SCAP: variants seen among roughly 807,000 people sequenced by gnomAD.
The protein encoded by SCAP is SREBF chaperone.
SCAP carries 65 observed loss-of-function variants against 123.6 expected under a neutral mutation model. That is an observed-to-expected ratio of 0.53 (90% CI 0.43 to 0.65). SCAP has a LOEUF of 0.65. Ranked by LOEUF, SCAP falls within the 30% of genes least tolerant of loss-of-function variation. The pLI is 0.00. For missense variants in SCAP, 1,398 were observed against 1,712.5 expected (o/e 0.82, Z 3.24); for synonymous variants, 740 against 726.3 (o/e 1.02, Z -0.30).
chr3:47,415,219 G>A (rs1398077100), intron 18 of SCAP, 39 bp from the exon 19 acceptor site: 2 of 1,573,070 alleles, frequency 1.3e-6, no homozygotes, highest in South Asian at 1.2e-5. Flanking sequence ...CTCTCCCTTA[G>A]AGCCCCAGCC....
In SCAP at chr3:47,435,254, G is replaced by A. The variant is rs1167774909; in HGVS notation, c.123-117C>T. ...AATTCTGTCAGGACTGTACAAATGT[G>A]CAAAATATTAGAATCACAAAATTGC... is the stretch of plus-strand genomic sequence containing the variant. On this transcript the variant is annotated intron_variant, in intron 2 of 22. Coordinates refer to ENST00000265565, the MANE Select transcript of SCAP (RefSeq NM_012235.4). 9 of 1,141,066 alleles carry A rather than the reference G, an allele frequency of 7.9e-6. No individual in the cohort carries two copies. In the South Asian group the frequency reaches 1.9e-4, roughly 24 times the overall value. 70.7% of individuals were successfully genotyped at this position (1,141,066 alleles called of 1,614,324 possible). A position where few individuals can be genotyped will look rare whatever the true frequency, so the allele number is the denominator to read the frequency against.
In SCAP at chr3:47,420,860, T is replaced by C. The variant is rs926048924; in HGVS notation, c.1344+71A>G. 26 of 1,586,126 alleles carry C rather than the reference T, an allele frequency of 1.6e-5. No homozygotes were observed. In the Admixed American group the frequency reaches 2.5e-4, roughly 15 times the overall value. Reference sequence around the variant, plus strand: ...CTGTCCTGCCCGAGGTCTACACCCTTCTCACCCAGGACTCCCTCAGTACAG... The same window carrying C: ...CTGTCCTGCCCGAGGTCTACACCCTCCTCACCCAGGACTCCCTCAGTACAG... On this transcript the variant is annotated intron_variant, in intron 11 of 22. Coordinates refer to ENST00000265565, the MANE Select transcript of SCAP (RefSeq NM_012235.4). The surrounding 1 kb of genome is among the most constrained non-coding windows in gnomAD (Gnocchi z 5.0).
chr3:47,427,673 C>T lies in SCAP; in HGVS notation c.411-6G>A. 6.2e-7 allele frequency: 1 copy of T among 1,612,822 alleles called. No individual in the cohort carries two copies. Among genetic ancestry groups the T allele is most frequent in the Non-Finnish European group, 8.5e-7 (1 of 1,179,330 alleles). On this transcript the variant is annotated splice_region_variant and splice_polypyrimidine_tract_variant and intron_variant, in intron 4 of 22. Transcript: ENST00000265565. ...CCAAGCTCCTGATCCCAGAGCTGCACAGGAGACAGGACAAGGCACCTGCTG... is the reference window on the plus strand; with the variant it reads ...CCAAGCTCCTGATCCCAGAGCTGCATAGGAGACAGGACAAGGCACCTGCTG...
intron 5 of SCAP, 41 bp from the exon 6 acceptor site, chr3:47,427,303 G>A (rs1275312461): frequency 6.4e-7 from 1 of 1,569,978 alleles, no homozygotes; most frequent in Admixed American, 1.7e-5. Context: ...AGAAATGACA[G>A]CTACTGCAGA....
At chr3:47,465,100 A>C (rs990316967) in intron 1 of SCAP, among the ~76,000 whole-genome samples, 3 of 152,224 alleles carry the variant, frequency 2.0e-5, no homozygotes, top group African/African-American at 7.2e-5. Flanking sequence ...TGCTGAAACA[A>C]ATTAAAGACG....
chr3:47,448,276 T>C (rs1707127598), intron 1 of SCAP, among the ~76,000 whole-genome samples: 1 of 152,178 alleles, frequency 6.6e-6, no homozygotes, highest in African/African-American at 2.4e-5. Flanking sequence ...TGTTCATTGC[T>C]AGTACATTGA....
chr3:47,458,263 C>G (rs1455497051), intron 1 of SCAP, among the ~76,000 whole-genome samples: 1 of 152,072 alleles, frequency 6.6e-6, no homozygotes, highest in Non-Finnish European at 1.5e-5. Flanking sequence ...AACCCCGTCT[C>G]TACTCAAAAA....
At chr3:47,476,340 G>A (rs1465672427), upstream of SCAP, among the ~76,000 whole-genome samples, 1 of 152,086 alleles carries the variant, frequency 6.6e-6, no homozygotes, top group Non-Finnish European at 1.5e-5. Flanking sequence ...GCGCACCTGT[G>A]GTCCCAGCTA....
At position 47,452,309 on chromosome 3, in the gene SCAP, A is replaced by T. The variant is rs192386315; in HGVS notation, c.-98-9218T>A. Among the ~76,000 whole-genome samples, 152 of 152,272 alleles carry T rather than the reference A, an allele frequency of 1.0e-3. 3 individuals are homozygous for T. Among genetic ancestry groups the T allele is most frequent in the African/African-American group, 3.4e-3 (143 of 41,550 alleles). ...GAGACTGAGGTGGGACAATCCCTTG[A>T]GCCCAGGAGTTTGATGCCAGCCTGG... On this transcript the variant is annotated intron_variant, in intron 1 of 22. Coordinates refer to ENST00000265565, the MANE Select transcript of SCAP (RefSeq NM_012235.4).
chr3:47,459,935 A>G (rs1707567912), intron 1 of SCAP, among the ~76,000 whole-genome samples: 1 of 152,134 alleles, frequency 6.6e-6, no homozygotes, highest in Admixed American at 6.6e-5. Context: ...ACACTCCCAG[A>G]GCGGCCATTT....
chr3:47,425,446 G>C lies in SCAP; in HGVS notation c.1037+39C>G, dbSNP rs776363104. Reference sequence around the variant, plus strand: ...AGAAGTGCAAGGCTCTCTGGCCTGAGCCCACCCTGTGGCCCAGTGGAGCCT... The same window carrying C: ...AGAAGTGCAAGGCTCTCTGGCCTGACCCCACCCTGTGGCCCAGTGGAGCCT... On this transcript the variant is annotated intron_variant, in intron 8 of 22. Transcript: ENST00000265565. The C allele has an allele frequency of 1.2e-5, 19 of 1,600,028 alleles. No individual in the cohort carries two copies. In the African/African-American group the frequency reaches 2.4e-4, roughly 20 times the overall value.
rs1272412706 is a variant in SCAP, at chr3:47,417,194, A to G, written c.2984T>C (p.Ile995Thr). The change falls in exon 18 of 23, where the codon ATT (isoleucine) becomes ACT (threonine). Residue 995 changes from isoleucine to threonine, a missense_variant. By Grantham distance (89) the Ile-to-Thr change is moderately conservative (BLOSUM62 -1). Around this residue, in one of 7 missense-constraint regions of SCAP, gnomAD observed 828 missense variants for 882.5 expected, o/e 0.94. Transcript: ENST00000265565. ...SSGRLEVWDAIEGVLCCSSEE... is the reference protein window; with the variant it reads ...SSGRLEVWDATEGVLCCSSEE... Reference sequence around the variant, plus strand: ...GCTGCTGCAGCACAGCACCCCTTCAATGGCGTCCCACACCTACGAGTCCAG... The same window carrying G: ...GCTGCTGCAGCACAGCACCCCTTCAGTGGCGTCCCACACCTACGAGTCCAG... 1.9e-6 allele frequency: 3 copies of G among 1,612,836 alleles called. No homozygotes were observed. The highest frequency in any genetic ancestry group is 2.2e-5 in the South Asian group (2 of 91,086).
chr3:47,468,309 T>C (rs1239248186), intron 1 of SCAP, among the ~76,000 whole-genome samples: 5 of 152,202 alleles, frequency 3.3e-5, no homozygotes, highest in Non-Finnish European at 7.3e-5. Flanking sequence ...TCTTCCACAA[T>C]GGTTGAACTA....
At chr3:47,471,653 G>A (rs1437848718) in intron 1 of SCAP, among the ~76,000 whole-genome samples, 1 of 152,042 alleles carries the variant, frequency 6.6e-6, no homozygotes, top group African/African-American at 2.4e-5. Flanking sequence ...TTACAGGCAT[G>A]AGCCACTGTG....
rs760756238 is a variant in SCAP, at chr3:47,414,197, A to G, written c.3577T>C (p.Phe1193Leu). ...SIWDRSTGIK[F>L]YSIQQDLGCG... ...CCCTCTACCTGCTGAATGGAGTAGA[A>G]CTTGATGCCTGTGCTGCGGTCCCAG... Residue 1193 changes from phenylalanine (F) to leucine (L), a missense_variant, in exon 22 of 23, where the codon TTC (phenylalanine) becomes CTC (leucine). This residue lies in a region of SCAP where 130 missense variants were observed against 166.7 expected (regional missense o/e 0.78). Transcript: ENST00000265565. 3 of 1,613,752 alleles carry G rather than the reference A, an allele frequency of 1.9e-6. No individual in the cohort carries two copies. The South Asian group carries it at 3.3e-5, about 18-fold the overall frequency.
At chr3:47,421,937 C>T (rs1705918980) in intron 10 of SCAP, among the ~76,000 whole-genome samples, 1 of 152,288 alleles carries the variant, frequency 6.6e-6, no homozygotes, top group Non-Finnish European at 1.5e-5. Context: ...AGAGCAGGGT[C>T]ACTCTGGGCA....
chr3:47,418,276 C>G (rs1290529927), intron 15 of SCAP, 27 bp from the exon 16 acceptor site: 1 of 1,554,508 alleles, frequency 6.4e-7, no homozygotes, highest in African/African-American at 1.4e-5. Flanking sequence ...TTGGTATGGG[C>G]CAGGCTCCGG....
At chr3:47,422,207 T>C (rs1320092017) in intron 10 of SCAP, among the ~76,000 whole-genome samples, 1 of 152,284 alleles carries the variant, frequency 6.6e-6, no homozygotes, top group African/African-American at 2.4e-5. Context: ...GGGCAGAGTC[T>C]GCCTGGCTAG....
chr3:47,465,698 G>A (rs954454172), intron 1 of SCAP, among the ~76,000 whole-genome samples: 2 of 151,858 alleles, frequency 1.3e-5, no homozygotes, highest in African/African-American at 4.8e-5. Context: ...GAGCCTGGGA[G>A]CTCAAGGCTG....
Sources: allele counts gnomAD v4.1 joint callset (sites outside exome capture counted in the v4.1 genomes callset), GRCh38; gene constraint gnomAD v4.1.1; regional missense constraint gnomAD v4.1.1; non-coding constraint Gnocchi (gnomAD v3.1); transcripts MANE v1.5; gene names NCBI Gene and HGNC (gene_info 2026-07-23, HGNC 2026-07-21).